The following SLC36A1 variants were observed in gnomAD, a reference collection of about 807,000 sequenced individuals.
SLC36A1 encodes the protein proton-coupled amino acid transporter 1.
Under a neutral mutation model 47.5 loss-of-function variants are expected in SLC36A1, and 30 were observed. The ratio of observed to expected loss-of-function variants is 0.63; its 90% CI spans 0.47 to 0.86. The LOEUF is 0.86. SLC36A1 is among the 40% of genes least tolerant of loss of function. The pLI is 0.00. For missense variants in SLC36A1, 517 were observed against 606.0 expected, an observed-to-expected ratio of 0.85 and a Z score of 1.54; for synonymous variants, 255 against 249.7, an observed-to-expected ratio of 1.02 and a Z score of -0.20.
At chr5:151,448,099 G>T (rs1227977713) in intron 1 of SLC36A1, among the ~76,000 whole-genome samples, 1 of 152,210 alleles carries the variant, frequency 6.6e-6, no homozygotes, top group Non-Finnish European at 1.5e-5. Flanking sequence ...CTTGCCCGCT[G>T]CGGGAGCGCT....
At chr5:151,506,772 A>G in the SLC36A1 span, among the ~76,000 whole-genome samples, 1 of 152,232 alleles carries the variant, frequency 6.6e-6, no homozygotes, top group Non-Finnish European at 1.5e-5. Flanking sequence ...GTCTGGCCCA[A>G]GGCTGCTGCA....
the SLC36A1 span, chr5:151,527,480 C>T: frequency 9.3e-6 from 11 of 1,189,130 alleles, no homozygotes; most frequent in Non-Finnish European, 1.3e-5. Flanking sequence ...GAAGGAGACA[C>T]TTTCCTATGC....
chr5:151,540,952 A>G, the SLC36A1 span, among the ~76,000 whole-genome samples: 2 of 152,242 alleles, frequency 1.3e-5, no homozygotes, highest in Non-Finnish European at 2.9e-5. Flanking sequence ...TTCTACTTCA[A>G]ATGCCTCCTG....
the SLC36A1 span, among the ~76,000 whole-genome samples, chr5:151,371,855 G>A: frequency 6.6e-6 from 1 of 152,070 alleles, no homozygotes; most frequent in Non-Finnish European, 1.5e-5. Flanking sequence ...TTTCTTTTCA[G>A]GTTTGGGGCT....
chr5:151,402,022 A>C, the SLC36A1 span, among the ~76,000 whole-genome samples: 1 of 152,254 alleles, frequency 6.6e-6, no homozygotes, highest in Non-Finnish European at 1.5e-5. Context: ...CTTCAATACT[A>C]TGTTAAATAG....
At chr5:151,403,608 C>T in the SLC36A1 span, among the ~76,000 whole-genome samples, 1 of 152,268 alleles carries the variant, frequency 6.6e-6, no homozygotes, top group South Asian at 2.1e-4. Flanking sequence ...GCCAATAAAA[C>T]CTTTCTTCTT....
At chr5:151,527,372 A>G in the SLC36A1 span, 1 of 1,605,238 alleles carries the variant, frequency 6.2e-7, no homozygotes, top group Non-Finnish European at 8.5e-7. Context: ...GGGAATAACT[A>G]GAGGCCTATT....
the SLC36A1 span, among the ~76,000 whole-genome samples, chr5:151,429,510 C>T: frequency 2.6e-5 from 4 of 151,794 alleles, no homozygotes; most frequent in Non-Finnish European, 5.9e-5. Context: ...TCATCCATGT[C>T]CCTACAAAGG....
chr5:151,520,372 G>A, the SLC36A1 span, among the ~76,000 whole-genome samples: 1 of 152,188 alleles, frequency 6.6e-6, no homozygotes, highest in Non-Finnish European at 1.5e-5. Flanking sequence ...TTTGAATAAC[G>A]AGGCCTTCAT....
the SLC36A1 span, among the ~76,000 whole-genome samples, chr5:151,409,902 A>G: frequency 2.6e-5 from 4 of 152,332 alleles, no homozygotes; most frequent in South Asian, 8.3e-4. Flanking sequence ...TTATTAAGCA[A>G]AATCTCAAGG....
At chr5:151,446,024 G>C (rs750161501), upstream of SLC36A1, among the ~76,000 whole-genome samples, 2 of 151,392 alleles carry the variant, frequency 1.3e-5, no homozygotes, top group Non-Finnish European at 2.9e-5. Context: ...GGTCTTGTGA[G>C]CTCTTCTTTT....
At chr5:151,505,589 G>T in the SLC36A1 span, 43 of 1,614,046 alleles carry the variant, frequency 2.7e-5, no homozygotes, top group Non-Finnish European at 3.6e-5. Context: ...CCTCACAGCT[G>T]CCATAATCAC....
At chr5:151,422,357 G>C in the SLC36A1 span, 3 of 152,192 alleles carry the variant, frequency 2.0e-5, no homozygotes, top group African/African-American at 7.2e-5. Flanking sequence ...TGTAAAAGAC[G>C]TGGGATGAAG....
At chr5:151,407,847 G>C in the SLC36A1 span, among the ~76,000 whole-genome samples, 1 of 152,140 alleles carries the variant, frequency 6.6e-6, no homozygotes, top group East Asian at 1.9e-4. Flanking sequence ...CTGGTCTGAT[G>C]CTTCATTTTA....
At chr5:151,414,162 T>G in the SLC36A1 span, among the ~76,000 whole-genome samples, 1 of 152,054 alleles carries the variant, frequency 6.6e-6, no homozygotes, top group African/African-American at 2.4e-5. Context: ...AACAGTAGGA[T>G]TAAATTAAGA....
chr5:151,555,707 C>T, the SLC36A1 span, among the ~76,000 whole-genome samples: 3 of 152,148 alleles, frequency 2.0e-5, no homozygotes, highest in Admixed American at 6.5e-5. Flanking sequence ...AAAGAATGTG[C>T]AGAGCCTGGA....
At chr5:151,508,201 G>C in the SLC36A1 span, among the ~76,000 whole-genome samples, 3 of 152,220 alleles carry the variant, frequency 2.0e-5, no homozygotes, top group East Asian at 5.8e-4. Flanking sequence ...TATTGGGAAA[G>C]TTTGCCCCAT....
intron 9 of SLC36A1, 79 bp from the exon 10 acceptor site, chr5:151,479,241 A>G (rs1043022443): frequency 7.4e-6 from 11 of 1,489,150 alleles, no homozygotes; most frequent in East Asian, 2.3e-5. Context: ...ACAAATCGCA[A>G]TGGGACCATT....
At chr5:151,416,581 A>G in the SLC36A1 span, among the ~76,000 whole-genome samples, 1 of 152,164 alleles carries the variant, frequency 6.6e-6, no homozygotes, top group Non-Finnish European at 1.5e-5. Flanking sequence ...ATCTGTTGCC[A>G]CCTAATAACT....
Sources: gnomAD v4.1 joint callset for allele counts (sites outside exome capture counted in the v4.1 genomes callset) on GRCh38, gnomAD v4.1.1 for gene constraint, MANE v1.5 for transcripts, NCBI Gene and HGNC (gene_info 2026-07-23, HGNC 2026-07-21) for gene names.